The following SPTBN1 variants were observed in gnomAD, a reference collection of about 807,000 sequenced individuals.
SPTBN1 encodes the protein spectrin beta chain, non-erythrocytic 1.
Under a neutral mutation model 266.4 loss-of-function variants are expected in SPTBN1, and 32 were observed. The ratio of observed to expected loss-of-function variants is 0.12; its 90% confidence interval spans 0.09 to 0.16. SPTBN1 has a LOEUF of 0.16. Ranked by LOEUF, SPTBN1 falls within the 10% of genes least tolerant of loss-of-function variation. The pLI is 1.00. For synonymous variants in SPTBN1, 1,336 were observed against 1,162.2 expected (o/e 1.15, Z -3.04); for missense variants, 2,296 against 3,067.1 (o/e 0.75, Z 5.94).
chr2:54,503,462 T>C (rs1015684038), intron 1 of SPTBN1, among the ~76,000 whole-genome samples: 4 of 152,200 alleles, frequency 2.6e-5, no homozygotes, highest in Non-Finnish European at 5.9e-5. Flanking sequence ...GAAATCTCTT[T>C]GACACTGGCT....
chr2:54,635,619 T>A (rs962922484), intron 17 of SPTBN1, among the ~76,000 whole-genome samples: 2 of 152,210 alleles, frequency 1.3e-5, no homozygotes, highest in Admixed American at 6.5e-5. Context: ...TTACTTTCAT[T>A]TCTGTTATTT....
intron 2 of SPTBN1, among the ~76,000 whole-genome samples, chr2:54,571,195 T>C (rs992674776): frequency 2.6e-5 from 4 of 152,040 alleles, no homozygotes; most frequent in Non-Finnish European, 4.4e-5. Flanking sequence ...GGCGTGCCTG[T>C]CAAGGGCTGT....
chr2:54,656,087 A>G lies in SPTBN1; in HGVS notation c.6046+89A>G, dbSNP rs114352511. On this transcript the variant is annotated intron_variant, in intron 29 of 35. Transcript: ENST00000356805. ...CTTGCTTTAATTCATTAATGTTATC[A>G]TTTAAAGATTGTTCGAGTTGTAGAT... The G allele has an allele frequency of 9.2e-4, 1,069 of 1,164,642 alleles. 12 individuals carry two copies. In the African/African-American group the frequency reaches 0.014, roughly 16 times the overall value. 72.1% of individuals were successfully genotyped at this position (1,164,642 alleles called of 1,614,324 possible).
intron 3 of SPTBN1, among the ~76,000 whole-genome samples, chr2:54,603,142 G>A (rs1006466784): frequency 2.6e-5 from 4 of 152,168 alleles, no homozygotes; most frequent in Admixed American, 1.3e-4. Flanking sequence ...CTCTGGACAG[G>A]ATGTCAAGAA....
chr2:54,636,209 A>T (rs531526739), intron 17 of SPTBN1, among the ~76,000 whole-genome samples: 5 of 152,156 alleles, frequency 3.3e-5, no homozygotes, highest in Non-Finnish European at 5.9e-5. Context: ...CATTTTGCCT[A>T]TGTGGTATAA....
At chr2:54,625,836 C>G (rs1678285026) in intron 11 of SPTBN1, 96 bp from the exon 12 acceptor site, 1 of 1,367,368 alleles carries the variant, frequency 7.3e-7, no homozygotes, top group Admixed American at 2.2e-5. Flanking sequence ...AGTGATCTGC[C>G]CGCCTCGGCC....
At chr2:54,575,912 C>T (rs1674429823) in intron 2 of SPTBN1, among the ~76,000 whole-genome samples, 1 of 152,182 alleles carries the variant, frequency 6.6e-6, no homozygotes, top group Admixed American at 6.5e-5. Context: ...AGGAATTAAC[C>T]TGTAGTACGA....
chr2:54,609,988 C>G (rs1276249056), intron 3 of SPTBN1, among the ~76,000 whole-genome samples: 1 of 151,566 alleles, frequency 6.6e-6, no homozygotes, highest in Non-Finnish European at 1.5e-5. Context: ...TGCCTTAAGT[C>G]CTGGTGCTCA....
chr2:54,629,565 C>G lies in SPTBN1; in HGVS notation c.2431C>G (p.Pro811Ala). 1 of 1,614,126 alleles carries G rather than the reference C, an allele frequency of 6.2e-7. No homozygotes were observed. The highest frequency in any genetic ancestry group is 8.5e-7 in the Non-Finnish European group (1 of 1,180,052). ...GCTGCACGAACAAGCCAGCGCCCTC[C>G]CCCAGGAGCATGCCGAGTCTCCAGA... ...DTLHEQASAL[P>A]QEHAESPDVR... Residue 811 changes from proline to alanine, a missense_variant, in exon 14 of 36, where the codon CCC becomes GCC. Pro to Ala is a conservative substitution (Grantham distance 27). Coordinates refer to ENST00000356805, the MANE Select transcript of SPTBN1 (RefSeq NM_003128.3).
chr2:54,463,390 G>C (rs941421149), intron 1 of SPTBN1, among the ~76,000 whole-genome samples: 2 of 152,266 alleles, frequency 1.3e-5, no homozygotes, highest in African/African-American at 4.8e-5. Context: ...GTTTGAGTTT[G>C]AGGTTCCAGC....
intron 1 of SPTBN1, among the ~76,000 whole-genome samples, chr2:54,506,118 CG>C (rs1276325488): frequency 2.2e-5 from 3 of 134,230 alleles, no homozygotes; most frequent in South Asian, 2.7e-4. Flanking sequence ...AGTGAGACTC[CG>C]TCTCTAAATA....
In SPTBN1 at chr2:54,489,561, G is replaced by A. The variant is rs534998091; in HGVS notation, c.-48+33043G>A. Among the ~76,000 whole-genome samples, 5 of 152,172 alleles carry A rather than the reference G, an allele frequency of 3.3e-5. No homozygotes were observed. The East Asian group carries it at 5.8e-4, about 18-fold the overall frequency. ...CTAAAAATACAAAAATTAGCCAGGC[G>A]TGGTGGTGTGCATCTGTAATCTCTG... On this transcript the variant is annotated intron_variant, in intron 1 of 35. Coordinates refer to ENST00000356805, the MANE Select transcript of SPTBN1 (RefSeq NM_003128.3).
At chr2:54,501,181 CA>C (rs746422979) in intron 1 of SPTBN1, among the ~76,000 whole-genome samples, 3 of 152,198 alleles carry the variant, frequency 2.0e-5, no homozygotes, top group South Asian at 4.1e-4. Flanking sequence ...GAGGAGGAAG[CA>C]AAGAGTCCTC....
Position 54,664,442 on chromosome 2 carries a change from G to C in SPTBN1, c.6421-11G>C. 1 of 1,606,170 alleles carries C rather than the reference G, an allele frequency of 6.2e-7. No individual in the cohort carries two copies. Among genetic ancestry groups the C allele is most frequent in the Non-Finnish European group, 8.5e-7 (1 of 1,173,440 alleles). ...ACGGAGTTAGCTGAATGGCCTCTCC[G>C]CTGTCCCTAGATGGCAGAAACGGTG... On this transcript the variant is annotated splice_polypyrimidine_tract_variant and intron_variant, in intron 32 of 35. Transcript: ENST00000356805. The surrounding 1 kb of genome is among the most constrained non-coding windows in gnomAD (Gnocchi z 5.6).
In SPTBN1 at chr2:54,646,014, T is replaced by C. The variant is rs776230483; in HGVS notation, c.4581T>C (p.Asn1527=). 6.2e-6 allele frequency: 10 copies of C among 1,614,106 alleles called. No homozygotes were observed. The highest frequency in any genetic ancestry group is 8.5e-6 in the Non-Finnish European group (10 of 1,180,022). Residue 1527 remains asparagine, a synonymous_variant, in exon 22 of 36, where the codon AAT becomes AAC. Transcript: ENST00000356805. This position sits in a 1 kb window ranked among gnomAD's most constrained non-coding sequence, Gnocchi z 4.4. ...LQTVQLLIKK[N]QTLQKEIQGH... The stretch of plus-strand genomic sequence containing the variant: ...CTGTGCAGCTGTTAATAAAGAAAAA[T>C]CAGGTAAGCCTTTCTGCTCGAGCTA...
chr2:54,553,279 A>G (rs1052128343), intron 2 of SPTBN1, among the ~76,000 whole-genome samples: 1 of 152,202 alleles, frequency 6.6e-6, no homozygotes, highest in African/African-American at 2.4e-5. Context: ...TAGTGGAAAG[A>G]AAAGAATGAT....
chr2:54,503,657 C>T (rs552132155), intron 1 of SPTBN1, among the ~76,000 whole-genome samples: 1 of 152,292 alleles, frequency 6.6e-6, no homozygotes, highest in African/African-American at 2.4e-5. Flanking sequence ...TTTGAACATA[C>T]CAACTCTTTT....
intron 2 of SPTBN1, among the ~76,000 whole-genome samples, chr2:54,565,235 A>G (rs533560380): frequency 1.3e-5 from 2 of 152,332 alleles, no homozygotes; most frequent in African/African-American, 2.4e-5. Context: ...TGTGGTGGGG[A>G]TGGAGAAGCA....
At chr2:54,573,096 A>G (rs964240327) in intron 2 of SPTBN1, among the ~76,000 whole-genome samples, 3 of 152,162 alleles carry the variant, frequency 2.0e-5, no homozygotes, top group African/African-American at 4.8e-5. Context: ...CTGTGAGCTC[A>G]TAGTTGTCTG....
Sources: gnomAD v4.1 joint callset for allele counts (sites outside exome capture counted in the v4.1 genomes callset) on GRCh38, gnomAD v4.1.1 for gene constraint, Gnocchi (gnomAD v3.1) non-coding constraint, MANE v1.5 for transcripts, NCBI Gene and HGNC (gene_info 2026-07-23, HGNC 2026-07-21) for gene names.